XXYLT1: variants seen among roughly 807,000 people sequenced by gnomAD.
The protein encoded by XXYLT1 is UDP-xylose:alpha-xyloside alpha-1,3-xylosyltransferase.
A neutral mutation model predicts 28.9 loss-of-function variants in XXYLT1; 20 were observed. That is an observed-to-expected ratio of 0.69 (90% CI 0.49 to 1.00). The LOEUF (loss-of-function observed/expected upper bound fraction) is 1.00, where lower values mean the gene tolerates loss of function less well. Ranked by LOEUF, XXYLT1 falls within the 50% of genes least tolerant of loss-of-function variation. The pLI is 0.00. For missense variants in XXYLT1, 542 were observed against 560.1 expected, an observed-to-expected ratio of 0.97 and a Z score of 0.33; for synonymous variants, 257 against 253.8, an observed-to-expected ratio of 1.01 and a Z score of -0.12.
At chr3:195,107,557 A>AG (rs1560098306) in intron 3 of XXYLT1, among the ~76,000 whole-genome samples, 1 of 4,416 alleles carries the variant, frequency 2.3e-4, no homozygotes, top group Non-Finnish European at 5.2e-4. Context: ...GAGGGGGAAG[A>AG]GGGGGAGAGG....
At position 195,240,942 on chromosome 3, in the gene XXYLT1, C is replaced by T. The variant is rs1390301615; in HGVS notation, c.505-14086G>A. On this transcript the variant is annotated intron_variant, in intron 1 of 3. Coordinates refer to ENST00000310380, the MANE Select transcript of XXYLT1 (RefSeq NM_152531.5). The surrounding 1 kb of genome is among the most constrained non-coding windows in gnomAD (Gnocchi z 4.7). ...CTCCATCTCAAATAAAAAAAAGAGT[C>T]ACTAAAACGCTCCAAACCTATAGGT... Among the ~76,000 whole-genome samples the T allele has an allele frequency of 6.6e-6, 1 of 152,212 alleles. No individual in the cohort carries two copies. Among genetic ancestry groups the T allele is most frequent in the Non-Finnish European group, 1.5e-5 (1 of 68,038 alleles).
At chr3:195,231,205 T>G (rs531020491) in intron 1 of XXYLT1, among the ~76,000 whole-genome samples, 37 of 152,326 alleles carry the variant, frequency 2.4e-4, no homozygotes, top group Non-Finnish European at 3.8e-4. Flanking sequence ...CTAATGATTT[T>G]TGTATGTTGA....
intron 2 of XXYLT1, chr3:195,184,814 A>C: frequency 3.0e-6 from 3 of 985,458 alleles, no homozygotes; most frequent in Non-Finnish European, 3.6e-6. Context: ...AAAAATCTGA[A>C]GTTCCCTTTC....
intron 3 of XXYLT1, among the ~76,000 whole-genome samples, chr3:195,151,171 C>G (rs1359235850): frequency 6.6e-6 from 1 of 152,142 alleles, no homozygotes; most frequent in Admixed American, 6.5e-5. Context: ...TCACCTGCTG[C>G]TGCTAAAAAG....
intron 1 of XXYLT1, among the ~76,000 whole-genome samples, chr3:195,242,781 G>A (rs1724835193): frequency 6.6e-6 from 1 of 152,116 alleles, no homozygotes; most frequent in South Asian, 2.1e-4. Flanking sequence ...ATGATGTTCT[G>A]AACACAAGGT....
At chr3:195,188,608 A>G (rs1490001424) in intron 2 of XXYLT1, among the ~76,000 whole-genome samples, 1 of 152,112 alleles carries the variant, frequency 6.6e-6, no homozygotes, top group African/African-American at 2.4e-5. Flanking sequence ...TGCTTAACAC[A>G]CTGGTGCACT....
At chr3:195,220,561 T>C (rs900737355) in intron 2 of XXYLT1, among the ~76,000 whole-genome samples, 1 of 152,228 alleles carries the variant, frequency 6.6e-6, no homozygotes, top group Non-Finnish European at 1.5e-5. Context: ...TGTCCGATCC[T>C]GAGCCTGGAC....
rs111237694 is a variant in XXYLT1 at position 195,081,218 on chromosome 3, T to TAAA, written c.786-11110_786-11108dup. 5.7e-4 allele frequency among the ~76,000 whole-genome samples: 83 copies of TAAA among 144,576 alleles called. No individual in the cohort carries two copies. In the South Asian group the frequency reaches 0.014, roughly 24 times the overall value. 94.8% of individuals were successfully genotyped at this position (144,576 alleles called of 152,430 possible). A position where few individuals can be genotyped will look rare whatever the true frequency, so the allele number is the denominator to read the frequency against. ...AACGCTGCTGGTCCAAGAATCACAC[T>TAAA]AAAAAAAAAAAAGCGTTTTTATGAT... is the stretch of plus-strand genomic sequence containing the variant. On this transcript the variant is annotated intron_variant, in intron 3 of 3. Coordinates refer to ENST00000310380, the MANE Select transcript of XXYLT1 (RefSeq NM_152531.5).
chr3:195,228,031 C>T (rs1467654952), intron 1 of XXYLT1, among the ~76,000 whole-genome samples: 2 of 152,228 alleles, frequency 1.3e-5, no homozygotes, highest in Admixed American at 6.5e-5. Context: ...CTACGACACA[C>T]AGGAGGCACT....
At chr3:195,259,537 G>T (rs1268041309) in intron 1 of XXYLT1, 1 of 983,502 alleles carries the variant, frequency 1.0e-6, no homozygotes, top group Non-Finnish European at 1.2e-6. Context: ...CAAGCAGGCG[G>T]CCGGGCTCCT....
intron 3 of XXYLT1, among the ~76,000 whole-genome samples, chr3:195,120,821 G>A (rs565760641): frequency 3.9e-5 from 6 of 152,196 alleles, no homozygotes; most frequent in African/African-American, 7.2e-5. Flanking sequence ...GGAAGAGCAC[G>A]GAGAGGGTGT....
chr3:195,186,047 C>G (rs1007900835), intron 2 of XXYLT1, among the ~76,000 whole-genome samples: 1 of 152,196 alleles, frequency 6.6e-6, no homozygotes, highest in African/African-American at 2.4e-5. Context: ...GGCCACTGTG[C>G]TCCTAAGTGC....
intron 3 of XXYLT1, among the ~76,000 whole-genome samples, chr3:195,096,864 T>C (rs558239124): frequency 6.6e-6 from 1 of 152,238 alleles, no homozygotes; most frequent in Non-Finnish European, 1.5e-5. Flanking sequence ...TAATGCCCAC[T>C]CAGTCTTCCA....
chr3:195,168,866 T>C lies in XXYLT1; in HGVS notation c.653-12285A>G, dbSNP rs1028308710. 1.3e-5 allele frequency among the ~76,000 whole-genome samples: 2 copies of C among 152,156 alleles called. No individual in the cohort carries two copies. The highest frequency in any genetic ancestry group is 4.8e-5 in the African/African-American group (2 of 41,436). On this transcript the variant is annotated intron_variant, in intron 2 of 3. Coordinates refer to ENST00000310380, the MANE Select transcript of XXYLT1 (RefSeq NM_152531.5). This position sits in a 1 kb window ranked among gnomAD's most constrained non-coding sequence, Gnocchi z 4.3. ...AGTGACCAGCAGAAATGCAAGTTAG[T>C]CCCCATCCCCATCACAAAGTCTGAG...
At chr3:195,120,743 T>A (rs889785958) in intron 3 of XXYLT1, among the ~76,000 whole-genome samples, 1 of 152,152 alleles carries the variant, frequency 6.6e-6, no homozygotes, top group Admixed American at 6.5e-5. Context: ...CGTGGCTCCG[T>A]CACTGAGCAC....
Position 195,115,790 on chromosome 3 carries a change from G to A in XXYLT1, c.785+40659C>T, listed in dbSNP as rs143472430. Among the ~76,000 whole-genome samples, 328 of 152,320 alleles carry A rather than the reference G, an allele frequency of 2.2e-3. No individual in the cohort carries two copies. The highest frequency in any genetic ancestry group is 7.6e-3 in the African/African-American group (315 of 41,572). Reference sequence around the variant, plus strand: ...GCCAGGACCGGACCTCGGTTATCTAGAGAGTAACTAACAGTGCTTTGTCAG... The same window carrying A: ...GCCAGGACCGGACCTCGGTTATCTAAAGAGTAACTAACAGTGCTTTGTCAG... On this transcript the variant is annotated intron_variant, in intron 3 of 3. Transcript: ENST00000310380. The surrounding 1 kb of genome is among the most constrained non-coding windows in gnomAD (Gnocchi z 4.2).
At chr3:195,164,158 G>A (rs1207691855) in intron 2 of XXYLT1, among the ~76,000 whole-genome samples, 1 of 152,236 alleles carries the variant, frequency 6.6e-6, no homozygotes, top group Non-Finnish European at 1.5e-5. Context: ...AAGGCAAGAA[G>A]TAACTACACC....
intron 2 of XXYLT1, among the ~76,000 whole-genome samples, chr3:195,162,967 C>T (rs113190934): frequency 3.9e-5 from 6 of 152,238 alleles, no homozygotes; most frequent in African/African-American, 1.4e-4. Flanking sequence ...TAGTTCACAT[C>T]TCTCTCGTGT....
intron 1 of XXYLT1, among the ~76,000 whole-genome samples, chr3:195,237,570 G>C (rs1436328496): frequency 6.7e-6 from 1 of 148,634 alleles, no homozygotes; most frequent in African/African-American, 2.5e-5. Context: ...GTAGATCGTT[G>C]TCAAATTTGG....
Sources: allele counts gnomAD v4.1 joint callset (sites outside exome capture counted in the v4.1 genomes callset), GRCh38; gene constraint gnomAD v4.1.1; non-coding constraint Gnocchi (gnomAD v3.1); transcripts MANE v1.5; gene names NCBI Gene and HGNC (gene_info 2026-07-23, HGNC 2026-07-21).